Variants in GID8 observed in about 807,000 individuals in gnomAD.
GID8 encodes glucose-induced degradation protein 8 homolog.
In GID8, 6 loss-of-function variants were observed where a neutral mutation model predicts 27.4. The observed-to-expected ratio is 0.22, with a 90% CI of 0.12 to 0.43. The LOEUF is 0.43. Ranked by LOEUF, GID8 falls within the 20% of genes least tolerant of loss-of-function variation. The pLI is 1.00. For synonymous variants in GID8, 112 were observed against 109.0 expected, an observed-to-expected ratio of 1.03 and a Z score of -0.17; for missense variants, 173 against 287.6, an observed-to-expected ratio of 0.60 and a Z score of 2.88.
chr20:62,945,962 T>C lies in GID8; in HGVS notation c.*1050T>C. The C allele has an allele frequency of 1.6e-6, 2 of 1,289,442 alleles. No individual in the cohort carries two copies. Among genetic ancestry groups the C allele is most frequent in the Non-Finnish European group, 2.0e-6 (2 of 988,834 alleles). 79.9% of individuals were successfully genotyped at this position (1,289,442 alleles called of 1,614,324 possible). On this transcript the variant is annotated 3_prime_UTR_variant, in exon 5 of 5. Coordinates refer to ENST00000266069, the MANE Select transcript of GID8 (RefSeq NM_017896.3). ...TCCTGCTTCTGTTCACTCACAGAAC[T>C]GTCCCCTGCTCCGTGGTGGGCAGGA...
chr20:62,946,353 T>G lies in GID8; in HGVS notation c.*1441T>G. The G allele has an allele frequency of 4.1e-6, 1 of 241,698 alleles. No individual in the cohort carries two copies. The highest frequency in any genetic ancestry group is 8.4e-6 in the Non-Finnish European group (1 of 119,280). The allele number at this position is 241,698 out of a possible 1,614,324, so 15.0% of individuals were successfully genotyped here. A position where few individuals can be genotyped will look rare whatever the true frequency, so the allele number is the denominator to read the frequency against. On this transcript the variant is annotated 3_prime_UTR_variant, in exon 5 of 5. Transcript: ENST00000266069. The stretch of plus-strand genomic sequence containing the variant: ...CGGGTCATCTGCCTCTGAGGGACCG[T>G]CCTCACCGAGCTCCTGCATCCCTTG...
At position 62,944,889 on chromosome 20, in the gene GID8, G is replaced by A. The variant is rs2065458786; in HGVS notation, c.664G>A (p.Gly222Ser). Residue 222 changes from glycine (G) to serine (S), a missense_variant, in exon 5 of 5, where the codon GGT becomes AGT. Gly to Ser is a moderately conservative substitution (Grantham distance 56). Transcript: ENST00000266069. ...TCCCAAAATGACAGACCTCAGCAAG[G>A]GTGTGATTGAGGAGCCCAAGTAGCG... ...KYPKMTDLSK[G>S]VIEEPK 1 of 1,613,270 alleles carries A rather than the reference G, an allele frequency of 6.2e-7. No individual in the cohort carries two copies. Among genetic ancestry groups the A allele is most frequent in the South Asian group, 1.1e-5 (1 of 90,980 alleles).
Position 62,943,587 on chromosome 20 carries a change from C to G in GID8, c.408C>G (p.Ser136Arg). ...QTQLAEQGEE[S>R]RECLTEMERT... ...AGCTGGCGGAGCAGGGCGAGGAGAGCCGAGAGTGCCTCACAGAGATGGAGC... is the reference window on the plus strand; with the variant it reads ...AGCTGGCGGAGCAGGGCGAGGAGAGGCGAGAGTGCCTCACAGAGATGGAGC... Residue 136 changes from serine to arginine, a missense_variant, in exon 4 of 5, where the codon AGC becomes AGG. Coordinates refer to ENST00000266069, the MANE Select transcript of GID8 (RefSeq NM_017896.3). The surrounding 1 kb of genome is among the most constrained non-coding windows in gnomAD (Gnocchi z 4.7). The G allele has an allele frequency of 6.2e-7, 1 of 1,613,640 alleles. No individual in the cohort carries two copies. The highest frequency in any genetic ancestry group is 8.5e-7 in the Non-Finnish European group (1 of 1,179,956).
rs150928928 is a variant in GID8 at position 62,945,168 on chromosome 20, G to T, written c.*256G>T. 2.4e-6 allele frequency: 3 copies of T among 1,262,476 alleles called. No individual in the cohort carries two copies. The African/African-American group carries it at 4.5e-5, about 19-fold the overall frequency. 78.2% of individuals were successfully genotyped at this position (1,262,476 alleles called of 1,614,324 possible). On this transcript the variant is annotated 3_prime_UTR_variant, in exon 5 of 5. Coordinates refer to ENST00000266069, the MANE Select transcript of GID8 (RefSeq NM_017896.3). Reference sequence around the variant, plus strand: ...CTCGCTGAAGAATCTGGAAGGTTGCGGTTTGCTCTTCCAGTGTTCGGGGGC... The same window carrying T: ...CTCGCTGAAGAATCTGGAAGGTTGCTGTTTGCTCTTCCAGTGTTCGGGGGC...
In GID8 at chr20:62,943,033, C is replaced by G. The variant is rs965129217; in HGVS notation, c.165C>G (p.Ile55Met). 6 of 1,613,922 alleles carry G rather than the reference C, an allele frequency of 3.7e-6. No homozygotes were observed. Among genetic ancestry groups the G allele is most frequent in the Non-Finnish European group, 5.1e-6 (6 of 1,179,828 alleles). Residue 55 changes from isoleucine (I) to methionine (M), a missense_variant, in exon 3 of 5, where the codon ATC becomes ATG. Coordinates refer to ENST00000266069, the MANE Select transcript of GID8 (RefSeq NM_017896.3). This position sits in a 1 kb window ranked among gnomAD's most constrained non-coding sequence, Gnocchi z 4.7. ...AAEKFRMESGIEPSVDLETLD... is the reference protein window; with the variant it reads ...AAEKFRMESGMEPSVDLETLD... Reference sequence around the variant, plus strand: ...AGAAGTTTCGAATGGAATCTGGAATCGAACCTAGTGTGGATCTGGAAACAC... The same window carrying G: ...AGAAGTTTCGAATGGAATCTGGAATGGAACCTAGTGTGGATCTGGAAACAC...
In GID8 at chr20:62,943,798, G is replaced by A; in HGVS notation, c.513+106G>A. On this transcript the variant is annotated intron_variant, in intron 4 of 4. Coordinates refer to ENST00000266069, the MANE Select transcript of GID8 (RefSeq NM_017896.3). The surrounding 1 kb of genome is among the most constrained non-coding windows in gnomAD (Gnocchi z 4.7). ...TTGCTGTGTGGACTGAGAGACAGGT[G>A]GCTTCTGTGCCTGGGATGCTAAGTG... The A allele has an allele frequency of 4.8e-6, 4 of 837,218 alleles. No individual in the cohort carries two copies. In the East Asian group the frequency reaches 1.1e-4, roughly 22 times the overall value. 51.9% of individuals were successfully genotyped at this position (837,218 alleles called of 1,614,324 possible).
At position 62,943,677 on chromosome 20, in the gene GID8, C is replaced by T. The variant is rs756221773; in HGVS notation, c.498C>T (p.Thr166=). The T allele has an allele frequency of 3.1e-6, 5 of 1,612,984 alleles. No homozygotes were observed. Among genetic ancestry groups the T allele is most frequent in the Non-Finnish European group, 4.2e-6 (5 of 1,179,424 alleles). ...CGCCCTTCGGAGACCTCCTCCACAC[C>T]ATGCAGAGGCAGAAGGTGGGGCCTG... ...EESPFGDLLH[T]MQRQKVWSEV... Residue 166 remains threonine, a synonymous_variant, in exon 4 of 5, where the codon ACC becomes ACT. Coordinates refer to ENST00000266069, the MANE Select transcript of GID8 (RefSeq NM_017896.3). This position sits in a 1 kb window ranked among gnomAD's most constrained non-coding sequence, Gnocchi z 4.7.
In GID8 at chr20:62,943,799, G is replaced by GCTT. The variant is rs1187974665; in HGVS notation, c.513+110_513+112dup. 2 of 826,092 alleles carry GCTT rather than the reference G, an allele frequency of 2.4e-6. No individual in the cohort carries two copies. The highest frequency in any genetic ancestry group is 3.4e-5 in the African/African-American group (2 of 58,718). The allele number at this position is 826,092 out of a possible 1,614,324, so 51.2% of individuals were successfully genotyped here. ...TGCTGTGTGGACTGAGAGACAGGTG[G>GCTT]CTTCTGTGCCTGGGATGCTAAGTGG... is the stretch of plus-strand genomic sequence containing the variant. On this transcript the variant is annotated intron_variant, in intron 4 of 4. Transcript: ENST00000266069. This position sits in a 1 kb window ranked among gnomAD's most constrained non-coding sequence, Gnocchi z 4.7.
Position 62,941,588 on chromosome 20 carries a change from T to C in GID8, c.86T>C (p.Met29Thr). 2 of 1,608,126 alleles carry C rather than the reference T, an allele frequency of 1.2e-6. No homozygotes were observed. Among genetic ancestry groups the C allele is most frequent in the Non-Finnish European group, 1.7e-6 (2 of 1,174,472 alleles). Residue 29 changes from methionine (M) to threonine (T), a missense_variant, in exon 2 of 5, where the codon ATG (methionine) becomes ACG (threonine). By Grantham distance (81) the Met-to-Thr change is moderately conservative. Coordinates refer to ENST00000266069, the MANE Select transcript of GID8 (RefSeq NM_017896.3). ...AACTTGCATGTCCAGAGAGCAGACA[T>C]GAACCGCCTCATCATGAACTACCTG... ...LNNLHVQRADMNRLIMNYLVT... is the reference protein window; with the variant it reads ...LNNLHVQRADTNRLIMNYLVT...
Position 62,945,675 on chromosome 20 carries a change from T to C in GID8, c.*763T>C, listed in dbSNP as rs542652866. 9.3e-5 allele frequency: 110 copies of C among 1,183,612 alleles called. No individual in the cohort carries two copies. Among genetic ancestry groups the C allele is most frequent in the Non-Finnish European group, 1.2e-4 (109 of 937,346 alleles). The allele number at this position is 1,183,612 out of a possible 1,614,324, so 73.3% of individuals were successfully genotyped here. ...TCTAAAAGATGTTAATCATCTCAAA[T>C]GACCTTTTGTCTTTGGGGCGTTCTT... On this transcript the variant is annotated 3_prime_UTR_variant, in exon 5 of 5. Coordinates refer to ENST00000266069, the MANE Select transcript of GID8 (RefSeq NM_017896.3).
chr20:62,941,371 G>A (rs909186353), intron 1 of GID8, 120 bp from the exon 2 acceptor site: 3 of 635,630 alleles, frequency 4.7e-6, no homozygotes, highest in African/African-American at 1.8e-5. Context: ...TCCCACGGCA[G>A]CGTTGTCTTT....
chr20:62,944,622 G>T (rs1229649861), intron 4 of GID8, 117 bp from the exon 5 acceptor site: 6 of 727,766 alleles, frequency 8.2e-6, no homozygotes, highest in Non-Finnish European at 1.4e-5. Flanking sequence ...TGTATTTCAT[G>T]TCCTGAGAGT....
rs770881908 is a variant in GID8, at chr20:62,943,216, A to T, written c.315+33A>T. 6.8e-7 allele frequency: 1 copy of T among 1,461,694 alleles called. No individual in the cohort carries two copies. The highest frequency in any genetic ancestry group is 1.4e-5 in the African/African-American group (1 of 70,588). The allele number at this position is 1,461,694 out of a possible 1,614,324, so 90.5% of individuals were successfully genotyped here. A position where few individuals can be genotyped will look rare whatever the true frequency, so the allele number is the denominator to read the frequency against. On this transcript the variant is annotated intron_variant, in intron 3 of 4. Transcript: ENST00000266069. The surrounding 1 kb of genome is among the most constrained non-coding windows in gnomAD (Gnocchi z 4.7). ...TCAGGAGAGAGTAGTCTGGTTTGTG[A>T]ATACTTGATAAGTTAAAGTTATTTG...
intron 1 of GID8, chr20:62,938,597 C>G (rs1046990172): frequency 6.6e-6 from 1 of 152,228 alleles, no homozygotes; most frequent in African/African-American, 2.4e-5. Context: ...TGCTTTAAAG[C>G]AGAAACCGAG....
At position 62,943,741 on chromosome 20, in the gene GID8, G is replaced by C. The variant is rs1444946728; in HGVS notation, c.513+49G>C. The C allele has an allele frequency of 1.4e-6, 2 of 1,456,822 alleles. No individual in the cohort carries two copies. The highest frequency in any genetic ancestry group is 1.9e-6 in the Non-Finnish European group (2 of 1,041,848). 90.2% of individuals were successfully genotyped at this position (1,456,822 alleles called of 1,614,324 possible). On this transcript the variant is annotated intron_variant, in intron 4 of 4. Coordinates refer to ENST00000266069, the MANE Select transcript of GID8 (RefSeq NM_017896.3). This position sits in a 1 kb window ranked among gnomAD's most constrained non-coding sequence, Gnocchi z 4.7. ...TTCTTCCATTCCCCATGTGCTCTGAGGGGGCTTCGTGACAACGCCAAGTGT... is the reference window on the plus strand; with the variant it reads ...TTCTTCCATTCCCCATGTGCTCTGACGGGGCTTCGTGACAACGCCAAGTGT...
rs2065464029 is a variant in GID8, at chr20:62,945,841, A to G, written c.*929A>G. Reference sequence around the variant, plus strand: ...GCAGAGCCCCAGCAGGTGGTGCACGACTGTTGGCGGAAGGAACGCGTGTTC... The same window carrying G: ...GCAGAGCCCCAGCAGGTGGTGCACGGCTGTTGGCGGAAGGAACGCGTGTTC... On this transcript the variant is annotated 3_prime_UTR_variant, in exon 5 of 5. Transcript: ENST00000266069. 1 of 1,289,580 alleles carries G rather than the reference A, an allele frequency of 7.8e-7. No homozygotes were observed. Among genetic ancestry groups the G allele is most frequent in the Non-Finnish European group, 1.0e-6 (1 of 988,836 alleles). The allele number at this position is 1,289,580 out of a possible 1,614,324, so 79.9% of individuals were successfully genotyped here. A position where few individuals can be genotyped will look rare whatever the true frequency, so the allele number is the denominator to read the frequency against.
At position 62,940,481 on chromosome 20, in the gene GID8, C is replaced by G. The variant is rs190237606; in HGVS notation, c.-12-1010C>G. The stretch of plus-strand genomic sequence containing the variant: ...TCTCCTGCCTCAGCCTCTGGAGTAG[C>G]TGGGACTACAGGCGCCCGCCACCGA... On this transcript the variant is annotated intron_variant, in intron 1 of 4. Transcript: ENST00000266069. Among the ~76,000 whole-genome samples, 102 of 152,196 alleles carry G rather than the reference C, an allele frequency of 6.7e-4. 1 individual carries two copies. Among genetic ancestry groups the G allele is most frequent in the African/African-American group, 2.0e-3 (84 of 41,512 alleles).
chr20:62,938,524 G>T (rs1340616917), intron 1 of GID8: 1 of 152,264 alleles, frequency 6.6e-6, no homozygotes, highest in Non-Finnish European at 1.5e-5. Flanking sequence ...AGCCTGAGGG[G>T]CGGCGGTAGC....
At position 62,945,407 on chromosome 20, in the gene GID8, C is replaced by A; in HGVS notation, c.*495C>A. The A allele has an allele frequency of 1.0e-6, 1 of 982,834 alleles. No individual in the cohort carries two copies. The highest frequency in any genetic ancestry group is 1.2e-6 in the Non-Finnish European group (1 of 827,086). The allele number at this position is 982,834 out of a possible 1,614,324, so 60.9% of individuals were successfully genotyped here. On this transcript the variant is annotated 3_prime_UTR_variant, in exon 5 of 5. Transcript: ENST00000266069. ...GAAAGAATATATAAATTTGTAAATC[C>A]TAATTCAAAGATGGCTCATGTGTGA...
Sources: allele counts gnomAD v4.1 joint callset (sites outside exome capture counted in the v4.1 genomes callset), GRCh38; gene constraint gnomAD v4.1.1; non-coding constraint Gnocchi (gnomAD v3.1); transcripts MANE v1.5; gene names NCBI Gene and HGNC (gene_info 2026-07-23, HGNC 2026-07-21).